MYBL1: variants seen among roughly 807,000 people sequenced by gnomAD.
MYBL1 encodes the protein MYB proto-oncogene like 1.
MYBL1 carries 17 observed loss-of-function variants against 96.3 expected under a neutral mutation model. That is an observed-to-expected ratio of 0.18 (90% CI 0.12 to 0.26). The LOEUF is 0.26. Among genes scored for constraint, MYBL1 ranks in the 10% least tolerant of loss-of-function variants. The pLI is 1.00. For synonymous variants in MYBL1, 282 were observed against 292.7 expected, an observed-to-expected ratio of 0.96 and a Z score of 0.37; for missense variants, 701 against 882.9, an observed-to-expected ratio of 0.79 and a Z score of 2.61.
At position 66,564,649 on chromosome 8, in the gene MYBL1, TAG is replaced by T; in HGVS notation, c.*46_*47del. The stretch of plus-strand genomic sequence containing the variant: ...AAAATTTCACTGCAACCTAATTTAG[TAG>T]AGACTGCAGTAAGGGAGTGGGGCAT... On this transcript the variant is annotated 3_prime_UTR_variant, in exon 16 of 16. Transcript: ENST00000522677. 1 of 1,458,030 alleles carries T rather than the reference TAG, an allele frequency of 6.9e-7. No homozygotes were observed. The highest frequency in any genetic ancestry group is 9.2e-7 in the Non-Finnish European group (1 of 1,084,364). The allele number at this position is 1,458,030 out of a possible 1,614,324, so 90.3% of individuals were successfully genotyped here. A position where few individuals can be genotyped will look rare whatever the true frequency, so the allele number is the denominator to read the frequency against.
At chr8:66,567,351 A>T (rs1268662647) in intron 12 of MYBL1, among the ~76,000 whole-genome samples, 1 of 152,196 alleles carries the variant, frequency 6.6e-6, no homozygotes, top group East Asian at 1.9e-4. Context: ...TTGGGAATAC[A>T]CTAGCTCTTA....
intron 1 of MYBL1, among the ~76,000 whole-genome samples, chr8:66,608,280 CA>C (rs1197168515): frequency 6.6e-6 from 1 of 152,144 alleles, no homozygotes; most frequent in East Asian, 1.9e-4. Context: ...GCATGGTCAT[CA>C]GTTTCAGACA....
chr8:66,602,030 T>C (rs531714679), intron 2 of MYBL1, among the ~76,000 whole-genome samples: 2 of 152,294 alleles, frequency 1.3e-5, no homozygotes, highest in East Asian at 3.9e-4. Context: ...TTTTTAAATA[T>C]CTTTCATAAC....
intron 4 of MYBL1, among the ~76,000 whole-genome samples, chr8:66,598,712 T>C (rs1242136474): frequency 1.3e-5 from 2 of 152,148 alleles, no homozygotes; most frequent in Middle Eastern, 6.3e-3. Context: ...AAAATGAAAA[T>C]CTGTTTTAAA....
intron 12 of MYBL1, among the ~76,000 whole-genome samples, chr8:66,567,436 T>C (rs567273298): frequency 6.6e-6 from 1 of 152,208 alleles, no homozygotes; most frequent in East Asian, 1.9e-4. Context: ...GATTGTGAGA[T>C]ACTTGAGAGC....
At chr8:66,609,806 A>G (rs1363772569) in intron 1 of MYBL1, among the ~76,000 whole-genome samples, 1 of 152,028 alleles carries the variant, frequency 6.6e-6, no homozygotes, top group African/African-American at 2.4e-5. Context: ...TCCAAACTCT[A>G]TATATTAACC....
chr8:66,597,410 T>C lies in MYBL1; in HGVS notation c.432A>G (p.Glu144=). Residue 144 remains glutamate (E), a synonymous_variant, in exon 5 of 16, where the codon GAA becomes GAG. Transcript: ENST00000522677. ...NPEVKKSSWT[E]EEDRIIYEAH... ...CTTCATAGATGATCCTGTCCTCCTC[T>C]TCTGTCCAGGAAGATTTCTTTACCT... is the stretch of plus-strand genomic sequence containing the variant. The C allele has an allele frequency of 6.2e-7, 1 of 1,613,058 alleles. No homozygotes were observed. The highest frequency in any genetic ancestry group is 8.5e-7 in the Non-Finnish European group (1 of 1,179,410).
At position 66,580,115 on chromosome 8, in the gene MYBL1, T is replaced by C; in HGVS notation, c.1101+18A>G. 1 of 1,544,606 alleles carries C rather than the reference T, an allele frequency of 6.5e-7. No individual in the cohort carries two copies. The highest frequency in any genetic ancestry group is 1.1e-5 in the South Asian group (1 of 87,160). Reference sequence around the variant, plus strand: ...AACTAAAATTGAACTTTTGATAATCTTACAATTTTTTACTTACAGATTCAA... The same window carrying C: ...AACTAAAATTGAACTTTTGATAATCCTACAATTTTTTACTTACAGATTCAA... On this transcript the variant is annotated intron_variant, in intron 9 of 15. Transcript: ENST00000522677.
chr8:66,601,092 G>A lies in MYBL1; in HGVS notation c.198+606C>T, dbSNP rs563001235. ...CTCGGGAGGCTGAGGCAGGAGAATC[G>A]CTTGAATCTGGGAGGCGGAGGTTGC... On this transcript the variant is annotated intron_variant, in intron 3 of 15. Coordinates refer to ENST00000522677, the MANE Select transcript of MYBL1 (RefSeq NM_001080416.4). Among the ~76,000 whole-genome samples the A allele has an allele frequency of 1.0e-4, 15 of 147,646 alleles. 1 individual carries two copies. Among genetic ancestry groups the A allele is most frequent in the South Asian group, 6.4e-4 (3 of 4,704 alleles).
At chr8:66,607,819 C>T (rs1278102073) in intron 1 of MYBL1, among the ~76,000 whole-genome samples, 2 of 152,016 alleles carry the variant, frequency 1.3e-5, no homozygotes, top group African/African-American at 4.8e-5. Flanking sequence ...TACTGTTTAA[C>T]CTTTCTTAGA....
chr8:66,592,765 TA>T (rs1586584553), intron 7 of MYBL1, among the ~76,000 whole-genome samples: 1 of 152,130 alleles, frequency 6.6e-6, no homozygotes, highest in Non-Finnish European at 1.5e-5. Flanking sequence ...TTTAATGACT[TA>T]AAAAATGTTG....
intron 8 of MYBL1, among the ~76,000 whole-genome samples, chr8:66,589,674 G>C (rs113098161): frequency 6.6e-6 from 1 of 151,854 alleles, no homozygotes; most frequent in African/African-American, 2.4e-5. Flanking sequence ...TGTAGAGATG[G>C]GGTCTCACTA....
intron 15 of MYBL1, among the ~76,000 whole-genome samples, 155 bp from the exon 16 acceptor site, chr8:66,564,980 T>C (rs1808448048): frequency 6.6e-6 from 1 of 152,000 alleles, no homozygotes; most frequent in East Asian, 1.9e-4. Context: ...TTTTTAATAA[T>C]AATGTTTTAA....
chr8:66,590,180 T>C (rs546974785), intron 8 of MYBL1, among the ~76,000 whole-genome samples: 1 of 152,322 alleles, frequency 6.6e-6, no homozygotes, highest in African/African-American at 2.4e-5. Flanking sequence ...TTAAGTAGTA[T>C]AAAGACATCA....
At chr8:66,607,035 C>T (rs530684974) in intron 1 of MYBL1, among the ~76,000 whole-genome samples, 12 of 152,088 alleles carry the variant, frequency 7.9e-5, no homozygotes, top group South Asian at 2.1e-4. Context: ...TCAGGTGATC[C>T]GCCAACCTTG....
chr8:66,594,136 A>G (rs1809761509), intron 6 of MYBL1, among the ~76,000 whole-genome samples: 2 of 152,062 alleles, frequency 1.3e-5, no homozygotes, highest in Admixed American at 6.5e-5. Context: ...TTCTGTCTCA[A>G]AAAGAAAAAA....
intron 8 of MYBL1, among the ~76,000 whole-genome samples, chr8:66,582,692 T>TG (rs200353526): frequency 7.3e-6 from 1 of 136,080 alleles, no homozygotes; most frequent in African/African-American, 2.8e-5. Flanking sequence ...TATTTCAGCC[T>TG]GGGGGGACGG....
intron 3 of MYBL1, among the ~76,000 whole-genome samples, chr8:66,601,108 C>T (rs1032340031): frequency 7.8e-6 from 1 of 127,908 alleles, no homozygotes; most frequent in African/African-American, 3.0e-5. Flanking sequence ...ATCTGGGAGG[C>T]GGAGGTTGCA....
In MYBL1 at chr8:66,566,962, T is replaced by C; in HGVS notation, c.1759A>G (p.Ile587Val). Reference protein sequence around the residue: ...SQPLAFLEEDIREVLKEETGT... With the variant: ...SQPLAFLEEDVREVLKEETGT... Reference sequence around the variant, plus strand: ...GTTTCTTCTTTTAAAACTTCCCGAATATCTTCTTCCAAGAAAGCAAGTGGC... The same window carrying C: ...GTTTCTTCTTTTAAAACTTCCCGAACATCTTCTTCCAAGAAAGCAAGTGGC... The change falls in exon 13 of 16, where the codon ATT becomes GTT. Residue 587 changes from isoleucine (I) to valine (V), a missense_variant. Ile to Val is a conservative substitution (Grantham distance 29). This residue lies in a region of MYBL1 where 63 missense variants were observed against 109.2 expected (regional missense o/e 0.58). Coordinates refer to ENST00000522677, the MANE Select transcript of MYBL1 (RefSeq NM_001080416.4). 1.9e-6 allele frequency: 3 copies of C among 1,613,036 alleles called. No homozygotes were observed. The highest frequency in any genetic ancestry group is 2.5e-6 in the Non-Finnish European group (3 of 1,179,526).
Sources: allele counts gnomAD v4.1 joint callset (sites outside exome capture counted in the v4.1 genomes callset), GRCh38; gene constraint gnomAD v4.1.1; regional missense constraint gnomAD v4.1.1; transcripts MANE v1.5; gene names NCBI Gene and HGNC (gene_info 2026-07-23, HGNC 2026-07-21).